The following EP400 variants were observed in gnomAD, a reference collection of about 807,000 sequenced individuals.
The protein encoded by EP400 is E1A-binding protein p400.
In EP400, 105 loss-of-function variants were observed where a neutral mutation model predicts 354.1. The ratio of observed to expected loss-of-function variants is 0.30; its 90% CI spans 0.25 to 0.35. The LOEUF is 0.35. Ranked by LOEUF, EP400 falls within the 10% of genes least tolerant of loss-of-function variation. The pLI, the probability that EP400 is intolerant of heterozygous loss-of-function variation, is 1.00. For missense variants in EP400, 3,280 were observed against 4,121.0 expected (o/e 0.80, Z 5.59); for synonymous variants, 1,646 against 1,716.9 (o/e 0.96, Z 1.02).
chr12:131,993,842 C>A (rs1893121270), intron 11 of EP400, among the ~76,000 whole-genome samples: 1 of 152,192 alleles, frequency 6.6e-6, no homozygotes, highest in African/African-American at 2.4e-5. Flanking sequence ...CATATGCGGT[C>A]CATTGTTGGC....
In EP400 at chr12:132,017,442, C is replaced by T; in HGVS notation, c.3924-93C>T. On this transcript the variant is annotated intron_variant, in intron 19 of 52. Transcript: ENST00000389561. The surrounding 1 kb of genome is among the most constrained non-coding windows in gnomAD (Gnocchi z 5.0). Reference sequence around the variant, plus strand: ...GACCTAGAAAATCTGCTCCTGCCTGCCTTTCTGGAGTTGGGACAGTCGATG... The same window carrying T: ...GACCTAGAAAATCTGCTCCTGCCTGTCTTTCTGGAGTTGGGACAGTCGATG... 1.4e-6 allele frequency: 2 copies of T among 1,393,344 alleles called. No homozygotes were observed. Among genetic ancestry groups the T allele is most frequent in the Admixed American group, 2.1e-5 (1 of 47,826 alleles). The allele number at this position is 1,393,344 out of a possible 1,614,324, so 86.3% of individuals were successfully genotyped here.
intron 1 of EP400, among the ~76,000 whole-genome samples, chr12:131,959,511 C>T (rs1297196036): frequency 6.6e-6 from 1 of 152,232 alleles, no homozygotes; most frequent in Non-Finnish European, 1.5e-5. Flanking sequence ...TCATCCTGTC[C>T]TGAAACCTGA....
At position 131,987,933 on chromosome 12, in the gene EP400, G is replaced by T. The variant is rs538862714; in HGVS notation, c.2409+43G>T. ...GAGCTGCTGTGCTGTGTGCGTTGGTGGGGGCTTGAGTTTGCAGTGGTGTAA... is the reference window on the plus strand; with the variant it reads ...GAGCTGCTGTGCTGTGTGCGTTGGTTGGGGCTTGAGTTTGCAGTGGTGTAA... On this transcript the variant is annotated intron_variant, in intron 7 of 52. Transcript: ENST00000389561. The T allele has an allele frequency of 1.3e-5, 20 of 1,504,338 alleles. No homozygotes were observed. In the African/African-American group the frequency reaches 2.5e-4, roughly 19 times the overall value. 93.2% of individuals were successfully genotyped at this position (1,504,338 alleles called of 1,614,324 possible).
intron 2 of EP400, among the ~76,000 whole-genome samples, chr12:131,976,775 CAGG>C (rs1047641584): frequency 2.6e-5 from 4 of 152,190 alleles, no homozygotes; most frequent in African/African-American, 9.6e-5. Context: ...TCCTTTGTGG[CAGG>C]AGGCACCTGA....
Position 131,982,402 on chromosome 12 carries a change from C to G in EP400, c.1853C>G (p.Pro618Arg). 6.2e-7 allele frequency: 1 copy of G among 1,614,198 alleles called. No homozygotes were observed. The highest frequency in any genetic ancestry group is 8.5e-7 in the Non-Finnish European group (1 of 1,180,030). The change falls in exon 5 of 53, where the codon CCT becomes CGT. Residue 618 changes from proline to arginine, a missense_variant. By Grantham distance (103) the Pro-to-Arg change is moderately radical. Coordinates refer to ENST00000389561, the MANE Select transcript of EP400 (RefSeq NM_015409.5). Reference sequence around the variant, plus strand: ...CAACTCCCCATCCCTCCCTCGCAGCCTGCACAGCTGGCCCTCCACGTTCCC... The same window carrying G: ...CAACTCCCCATCCCTCCCTCGCAGCGTGCACAGCTGGCCCTCCACGTTCCC... ...SSQLPIPPSQPAQLALHVPTP... is the reference protein window; with the variant it reads ...SSQLPIPPSQRAQLALHVPTP...
chr12:132,062,294 C>T lies in EP400; in HGVS notation c.8069C>T (p.Ala2690Val). ...AACCTGACCCCAGTGCAGACCCCGG[C>T]ACGGTCTTTGGTGCCCCAAGTGTCC... is the stretch of plus-strand genomic sequence containing the variant. ...TTNLTPVQTPARSLVPQVSQA... is the reference protein window; with the variant it reads ...TTNLTPVQTPVRSLVPQVSQA... The change falls in exon 46 of 53, where the codon GCA becomes GTA. Residue 2690 changes from alanine to valine, a missense_variant. Transcript: ENST00000389561. The T allele has an allele frequency of 6.2e-7, 1 of 1,614,222 alleles. No individual in the cohort carries two copies. The highest frequency in any genetic ancestry group is 8.5e-7 in the Non-Finnish European group (1 of 1,180,036).
At chr12:131,964,505 A>G (rs1050358379) in intron 2 of EP400, among the ~76,000 whole-genome samples, 2 of 152,100 alleles carry the variant, frequency 1.3e-5, no homozygotes, top group African/African-American at 2.4e-5. Context: ...CAAACAAACC[A>G]TCAAATTTCT....
In EP400 at chr12:132,046,906, C is replaced by T. The variant is rs151204220; in HGVS notation, c.7200+1006C>T. On this transcript the variant is annotated intron_variant, in intron 39 of 52. Coordinates refer to ENST00000389561, the MANE Select transcript of EP400 (RefSeq NM_015409.5). The stretch of plus-strand genomic sequence containing the variant: ...TGCCATGCTGGCGTGTGGGGACCAC[C>T]GCCTTTCAGTTCACCTCATGGAGCC... 2.7e-3 allele frequency among the ~76,000 whole-genome samples: 407 copies of T among 152,356 alleles called. 1 individual carries two copies. Among genetic ancestry groups the T allele is most frequent in the African/African-American group, 7.3e-3 (303 of 41,594 alleles).
chr12:131,996,366 A>C (rs1175016995), intron 12 of EP400, among the ~76,000 whole-genome samples: 2 of 143,650 alleles, frequency 1.4e-5, no homozygotes, highest in Admixed American at 7.2e-5. Context: ...ATCTCGGCTC[A>C]CTGCAAGCTC....
At position 132,006,615 on chromosome 12, in the gene EP400, A is replaced by G. The variant is rs879108359; in HGVS notation, c.3127-85A>G. On this transcript the variant is annotated intron_variant, in intron 14 of 52. Transcript: ENST00000389561. Reference sequence around the variant, plus strand: ...TTTGTGGCTTTCTAATTGGTTTATCATGTGACTGTTGATTTCAGTTTTGAG... The same window carrying G: ...TTTGTGGCTTTCTAATTGGTTTATCGTGTGACTGTTGATTTCAGTTTTGAG... 3.4e-5 allele frequency: 45 copies of G among 1,342,096 alleles called. No homozygotes were observed. The South Asian group carries it at 4.3e-4, about 13-fold the overall frequency. The allele number at this position is 1,342,096 out of a possible 1,614,324, so 83.1% of individuals were successfully genotyped here. A position where few individuals can be genotyped will look rare whatever the true frequency, so the allele number is the denominator to read the frequency against.
rs1178534754 is a variant in EP400, at chr12:131,960,891, T to G, written c.272T>G (p.Leu91Arg). ...GTCGGGGGAAACCAGCAGATCACACTGGCCCCACTGCCGCTCCCCAGCCCC... is the reference window on the plus strand; with the variant it reads ...GTCGGGGGAAACCAGCAGATCACACGGGCCCCACTGCCGCTCCCCAGCCCC... The part of the protein sequence containing the change: ...PVVGGNQQIT[L>R]APLPLPSPTS... Residue 91 changes from leucine (L) to arginine (R), a missense_variant, in exon 2 of 53, where the codon CTG becomes CGG. Around this residue, in one of 20 missense-constraint regions of EP400, gnomAD observed 172 missense variants for 242.9 expected, o/e 0.71. Transcript: ENST00000389561. 1.9e-6 allele frequency: 3 copies of G among 1,613,954 alleles called. No individual in the cohort carries two copies.
At chr12:132,022,420 G>A (rs1894149223) in intron 23 of EP400, among the ~76,000 whole-genome samples, 1 of 152,200 alleles carries the variant, frequency 6.6e-6, no homozygotes, top group African/African-American at 2.4e-5. Context: ...CTGTGGGCAA[G>A]ATATCTCTAG....
intron 16 of EP400, among the ~76,000 whole-genome samples, chr12:132,012,456 C>G (rs991104869): frequency 3.3e-5 from 5 of 152,194 alleles, no homozygotes; most frequent in Admixed American, 1.3e-4. Context: ...AGGGTCCAAG[C>G]TGGTTCCCTC....
At chr12:132,011,433 A>G in intron 15 of EP400, 65 bp from the exon 16 acceptor site, 1 of 1,582,626 alleles carries the variant, frequency 6.3e-7, no homozygotes, top group Admixed American at 1.8e-5. Context: ...CTGGTCAGAC[A>G]CAGTGCTAGG....
intron 12 of EP400, among the ~76,000 whole-genome samples, chr12:132,003,055 TAAG>T (rs1221773527): frequency 3.3e-5 from 5 of 151,004 alleles, no homozygotes; most frequent in Admixed American, 2.0e-4. Context: ...CAGTAAAAAA[TAAG>T]AACACAGCTG....
chr12:131,968,288 A>C (rs1418194086), intron 2 of EP400, among the ~76,000 whole-genome samples: 3 of 152,196 alleles, frequency 2.0e-5, no homozygotes, highest in Admixed American at 6.5e-5. Context: ...AAATATAAGA[A>C]ATTTGCATGT....
intron 51 of EP400, 106 bp from the exon 52 acceptor site, chr12:132,076,410 G>A: frequency 9.0e-7 from 1 of 1,105,074 alleles, no homozygotes; most frequent in African/African-American, 1.5e-5. Context: ...GTGTCACCTG[G>A]TCATTGTGTT....
At chr12:132,040,787 G>C (rs1894874406) in intron 32 of EP400, among the ~76,000 whole-genome samples, 1 of 152,202 alleles carries the variant, frequency 6.6e-6, no homozygotes, top group Non-Finnish European at 1.5e-5. Flanking sequence ...GGTGGGGAGG[G>C]TGTGACCAGG....
chr12:132,050,795 C>A lies in EP400; in HGVS notation c.7394+140C>A. 1 of 1,035,534 alleles carries A rather than the reference C, an allele frequency of 9.7e-7. No individual in the cohort carries two copies. The highest frequency in any genetic ancestry group is 1.5e-6 in the Non-Finnish European group (1 of 681,074). The allele number at this position is 1,035,534 out of a possible 1,614,324, so 64.1% of individuals were successfully genotyped here. ...TGGACGTGGCAGTGCGCAGAACCTG[C>A]AGGAGAGAGGTGCTTTTCCTGCCGT... On this transcript the variant is annotated intron_variant, in intron 41 of 52. Coordinates refer to ENST00000389561, the MANE Select transcript of EP400 (RefSeq NM_015409.5). The surrounding 1 kb of genome is among the most constrained non-coding windows in gnomAD (Gnocchi z 4.8).
Sources: gnomAD v4.1 joint callset for allele counts (sites outside exome capture counted in the v4.1 genomes callset) on GRCh38, gnomAD v4.1.1 for gene constraint, gnomAD v4.1.1 regional missense constraint, Gnocchi (gnomAD v3.1) non-coding constraint, MANE v1.5 for transcripts, NCBI Gene and HGNC (gene_info 2026-07-23, HGNC 2026-07-21) for gene names.